Variants in LCA5L observed in about 807,000 individuals in gnomAD.
LCA5L encodes lebercilin-like protein.
Under a neutral mutation model 45.4 loss-of-function variants are expected in LCA5L, and 35 were observed. The ratio of observed to expected loss-of-function variants is 0.77; its 90% CI spans 0.59 to 1.02. The LOEUF (loss-of-function observed/expected upper bound fraction) is 1.02, where lower values mean the gene tolerates loss of function less well. Ranked by LOEUF, LCA5L falls within the 50% of genes least tolerant of loss-of-function variation. LCA5L has a pLI of 0.00. For missense variants in LCA5L, 668 were observed against 761.6 expected, an observed-to-expected ratio of 0.88 and a Z score of 1.45; for synonymous variants, 233 against 264.7, an observed-to-expected ratio of 0.88 and a Z score of 1.16.
chr21:39,434,343 G>A (rs1417182164), intron 3 of LCA5L, among the ~76,000 whole-genome samples: 1 of 152,162 alleles, frequency 6.6e-6, no homozygotes, highest in African/African-American at 2.4e-5. Context: ...ATTGACTGAT[G>A]ACTAGTATCA....
At chr21:39,406,825 G>A in intron 10 of LCA5L, 1 of 457,204 alleles carries the variant, frequency 2.2e-6, no homozygotes, top group South Asian at 4.7e-5. Context: ...CCAAGCAGAT[G>A]GGAATTATGA....
chr21:39,440,885 A>C (rs2076769175), intron 2 of LCA5L, among the ~76,000 whole-genome samples: 1 of 152,270 alleles, frequency 6.6e-6, no homozygotes, highest in Admixed American at 6.5e-5. Context: ...CTCTTCTCTA[A>C]GCTTATAAAT....
At chr21:39,418,481 A>C (rs2041692187) in intron 7 of LCA5L, among the ~76,000 whole-genome samples, 1 of 152,024 alleles carries the variant, frequency 6.6e-6, no homozygotes. Flanking sequence ...TCTCTGTTAA[A>C]AATGGTTATT....
rs779527952 is a variant in LCA5L, at chr21:39,405,970, C to T, written c.1925G>A (p.Ser642Asn). 3.1e-6 allele frequency: 5 copies of T among 1,614,000 alleles called. No individual in the cohort carries two copies. Among genetic ancestry groups the T allele is most frequent in the African/African-American group, 2.7e-5 (2 of 74,910 alleles). ...HPLPPSQASTSHAFGDSKVTV... is the reference protein window; with the variant it reads ...HPLPPSQASTNHAFGDSKVTV... ...TACTTTAGAGTCTCCGAAAGCATGGCTGGTGGAGGCCTGACTGGGAGGCAG... is the reference window on the plus strand; with the variant it reads ...TACTTTAGAGTCTCCGAAAGCATGGTTGGTGGAGGCCTGACTGGGAGGCAG... The change falls in exon 11 of 11, where the codon AGC (serine) becomes AAC (asparagine). Residue 642 changes from serine (S) to asparagine (N), a missense_variant. Ser to Asn is a conservative substitution (Grantham distance 46, BLOSUM62 1). Coordinates refer to ENST00000288350, the MANE Select transcript of LCA5L (RefSeq NM_152505.4).
Position 39,410,263 on chromosome 21 carries a change from C to T in LCA5L, c.1164+1G>A. The stretch of plus-strand genomic sequence containing the variant: ...ACTGCAAGATTCCAAATTTGCTGTA[C>T]CTTAGTTGTCAAAGGTGGAACATCT... On this transcript the variant is annotated splice_donor_variant, in intron 9 of 10. Coordinates refer to ENST00000288350, the MANE Select transcript of LCA5L (RefSeq NM_152505.4). LOFTEE classifies it high-confidence loss of function. 6.3e-7 allele frequency: 1 copy of T among 1,585,456 alleles called. No homozygotes were observed. The highest frequency in any genetic ancestry group is 1.1e-5 in the South Asian group (1 of 88,136).
chr21:39,408,035 A>G (rs2039406959), intron 10 of LCA5L: 1 of 152,214 alleles, frequency 6.6e-6, no homozygotes, highest in African/African-American at 2.4e-5. Flanking sequence ...CATGCTGCCT[A>G]AGGGAACACA....
intron 2 of LCA5L, among the ~76,000 whole-genome samples, chr21:39,439,272 G>A (rs1248430607): frequency 2.0e-5 from 3 of 152,176 alleles, no homozygotes; most frequent in Non-Finnish European, 2.9e-5. Flanking sequence ...GGAAGGGAAT[G>A]ATCCTCCCTT....
chr21:39,409,876 G>T lies in LCA5L; in HGVS notation c.1282+103C>A. The T allele has an allele frequency of 1.5e-6, 1 of 669,476 alleles. No individual in the cohort carries two copies. Among genetic ancestry groups the T allele is most frequent in the Non-Finnish European group, 2.5e-6 (1 of 397,872 alleles). The allele number at this position is 669,476 out of a possible 1,614,324, so 41.5% of individuals were successfully genotyped here. On this transcript the variant is annotated intron_variant, in intron 10 of 10. Coordinates refer to ENST00000288350, the MANE Select transcript of LCA5L (RefSeq NM_152505.4). This position sits in a 1 kb window ranked among gnomAD's most constrained non-coding sequence, Gnocchi z 4.2. ...CCCAAAGTGCTGGGATTACAGGTGC[G>T]AGCTGCCATGCCCAGCTGTTTTATG... is the stretch of plus-strand genomic sequence containing the variant.
chr21:39,428,784 T>C (rs2075315390), intron 4 of LCA5L, among the ~76,000 whole-genome samples: 2 of 150,572 alleles, frequency 1.3e-5, no homozygotes, highest in Non-Finnish European at 3.0e-5. Context: ...GGCTAACTTA[T>C]TATTTTTTGG....
intron 7 of LCA5L, among the ~76,000 whole-genome samples, chr21:39,415,273 C>T (rs1375802225): frequency 6.6e-6 from 1 of 152,068 alleles, no homozygotes; most frequent in African/African-American, 2.4e-5. Flanking sequence ...GTGTTGAGGC[C>T]ACCTTCTTGA....
chr21:39,410,741 G>C, intron 8 of LCA5L: 1 of 443,492 alleles, frequency 2.3e-6, no homozygotes, highest in Non-Finnish European at 4.6e-6. Context: ...TGTCCATGCT[G>C]AAGCGCATGA....
At chr21:39,414,732 C>CTGTGTGTGTGTGTGTGTG (rs1464601997) in intron 7 of LCA5L, among the ~76,000 whole-genome samples, 7 of 110,496 alleles carry the variant, frequency 6.3e-5, no homozygotes, top group African/African-American at 2.7e-4. Context: ...CTCTCTCTCT[C>CTGTGTGTGTGTGTGTGTG]TCTCTCTCTC....
At chr21:39,430,188 T>C (rs1407188564) in intron 3 of LCA5L, among the ~76,000 whole-genome samples, 1 of 152,184 alleles carries the variant, frequency 6.6e-6, no homozygotes, top group Admixed American at 6.5e-5. Context: ...CAGTCCCTAA[T>C]TTCCTCCTCA....
chr21:39,412,902 C>G (rs1237930373), intron 7 of LCA5L, among the ~76,000 whole-genome samples: 2 of 152,204 alleles, frequency 1.3e-5, no homozygotes, highest in Non-Finnish European at 2.9e-5. Flanking sequence ...CTTACCCTTG[C>G]AACCAGTGGG....
intron 2 of LCA5L, among the ~76,000 whole-genome samples, chr21:39,437,133 A>C (rs923706550): frequency 6.6e-6 from 1 of 152,186 alleles, no homozygotes; most frequent in East Asian, 1.9e-4. Flanking sequence ...CTCTCTTCAT[A>C]TCCATTACTC....
chr21:39,443,926 C>A (rs1016937085), intron 2 of LCA5L: 3 of 151,858 alleles, frequency 2.0e-5, no homozygotes, highest in Non-Finnish European at 4.4e-5. Context: ...CCCAGCTACT[C>A]AGGCCGAGGC....
intron 3 of LCA5L, among the ~76,000 whole-genome samples, chr21:39,430,662 G>A (rs528271229): frequency 5.3e-5 from 8 of 152,198 alleles, no homozygotes; most frequent in South Asian, 4.1e-4. Flanking sequence ...CAGCAGTCAC[G>A]TCCCCCCATC....
intron 4 of LCA5L, 97 bp from the exon 5 acceptor site, chr21:39,428,600 T>TATATATATATATATATATATA (rs61503063): frequency 9.8e-5 from 2 of 20,326 alleles, no homozygotes; most frequent in Non-Finnish European, 1.6e-4. Flanking sequence ...ATATATATAT[T>TATATATATATATATATATATA]TTTTTTTTTT....
chr21:39,407,063 C>CA (rs1305177510), intron 10 of LCA5L, among the ~76,000 whole-genome samples: 1 of 152,024 alleles, frequency 6.6e-6, no homozygotes, highest in Non-Finnish European at 1.5e-5. Context: ...CCTGTCTCTA[C>CA]AAAAAATACA....
Sources: gnomAD v4.1 joint callset for allele counts (sites outside exome capture counted in the v4.1 genomes callset) on GRCh38, gnomAD v4.1.1 for gene constraint, Gnocchi (gnomAD v3.1) non-coding constraint, MANE v1.5 for transcripts, NCBI Gene and HGNC (gene_info 2026-07-23, HGNC 2026-07-21) for gene names.